Variants in SLC9A7 observed in about 807,000 individuals in gnomAD.
SLC9A7 encodes solute carrier family 9 member A7, also known as sodium/hydrogen exchanger 7.
In SLC9A7, 19 loss-of-function variants were observed where a neutral mutation model predicts 52.6. The ratio of observed to expected loss-of-function variants is 0.36; its 90% CI spans 0.25 to 0.53. The LOEUF (loss-of-function observed/expected upper bound fraction) is 0.53. Ranked by LOEUF, SLC9A7 falls within the 20% of genes least tolerant of loss-of-function variation. The pLI is 0.91. For synonymous variants in SLC9A7, 226 were observed against 252.1 expected (o/e 0.90, Z 0.98); for missense variants, 455 against 597.9 (o/e 0.76, Z 2.49).
chrX:46,693,803 T>C (rs998854932), intron 1 of SLC9A7, among the ~76,000 whole-genome samples: 1 of 110,800 alleles, frequency 9.0e-6, no homozygotes, highest in African/African-American at 3.3e-5. Context: ...TCAAAAGACA[T>C]TATTTGGGAA....
chrX:46,668,272 G>A (rs1182990877), intron 5 of SLC9A7, among the ~76,000 whole-genome samples: 2 of 111,958 alleles, frequency 1.8e-5, no homozygotes, highest in African/African-American at 6.5e-5. Flanking sequence ...CACTTTGGGA[G>A]GCCGAGGTGG....
In SLC9A7 at chrX:46,653,716, T is replaced by C; in HGVS notation, c.1042-2A>G. The C allele has an allele frequency of 2.5e-6, 3 of 1,200,038 alleles. No individual in the cohort carries two copies. Among genetic ancestry groups the C allele is most frequent in the Non-Finnish European group, 3.4e-6 (3 of 885,395 alleles). On this transcript the variant is annotated splice_acceptor_variant, in intron 7 of 16. Coordinates refer to ENST00000616978, the MANE Select transcript of SLC9A7 (RefSeq NM_001257291.2). LOFTEE classifies it high-confidence loss of function. The stretch of plus-strand genomic sequence containing the variant: ...GTGCAGTTTGGTAAACTTAGTCACG[T>C]TGGCATTCTGTCAAGGACCCTGTCT...
At chrX:46,679,853 A>C in intron 2 of SLC9A7, 98 bp from the exon 3 acceptor site, 1 of 543,396 alleles carries the variant, frequency 1.8e-6, no homozygotes, top group East Asian at 3.7e-5. Flanking sequence ...TAAAGTTTGA[A>C]TATTTAGAGC....
At position 46,675,071 on chromosome X, in the gene SLC9A7, GTGTGT is replaced by G. The variant is rs1569515632; in HGVS notation, c.604-2449_604-2445del. Among the ~76,000 whole-genome samples, 11 of 50,504 alleles carry G rather than the reference GTGTGT, an allele frequency of 2.2e-4. No homozygotes were observed. The African/African-American group carries it at 3.1e-3, about 14-fold the overall frequency. 43.9% of individuals were successfully genotyped at this position (50,504 alleles called of 115,157 possible). ...AGAGAGAGAGAGTGAATGTGTGTGT[GTGTGT>G]GTGTGTGTGTGTGTGTGTGTGTGTG... On this transcript the variant is annotated intron_variant, in intron 3 of 16. Coordinates refer to ENST00000616978, the MANE Select transcript of SLC9A7 (RefSeq NM_001257291.2).
chrX:46,625,916 C>T (rs1318378936), intron 14 of SLC9A7, among the ~76,000 whole-genome samples: 2 of 111,546 alleles, frequency 1.8e-5, no homozygotes, highest in Non-Finnish European at 3.8e-5. Context: ...GGCTTCTCCC[C>T]AGAGCTTAGC....
intron 1 of SLC9A7, chrX:46,725,138 A>T (rs1944921779): frequency 1.2e-5 from 8 of 651,500 alleles, no homozygotes; most frequent in African/African-American, 2.2e-5. Flanking sequence ...GTTTTACAAG[A>T]TATACTTGAA....
chrX:46,633,518 G>A (rs894188776), intron 13 of SLC9A7, among the ~76,000 whole-genome samples: 6 of 109,753 alleles, frequency 5.5e-5, no homozygotes, highest in East Asian at 2.8e-4. Flanking sequence ...AGGATGACAC[G>A]GGACCTTGTG....
chrX:46,627,577 T>C (rs957188555), intron 14 of SLC9A7, among the ~76,000 whole-genome samples: 2 of 111,946 alleles, frequency 1.8e-5, no homozygotes, highest in African/African-American at 3.2e-5. Flanking sequence ...CCCTTCAGGA[T>C]GCAGATTCAT....
chrX:46,729,619 C>A (rs772708005), intron 1 of SLC9A7, among the ~76,000 whole-genome samples: 1 of 110,088 alleles, frequency 9.1e-6, no homozygotes, highest in Non-Finnish European at 1.9e-5. Flanking sequence ...ACTAAAAATA[C>A]AAAATTAGCT....
intron 7 of SLC9A7, among the ~76,000 whole-genome samples, chrX:46,654,962 T>TTTC (rs1569510704): frequency 9.9e-6 from 1 of 100,651 alleles, no homozygotes; most frequent in South Asian, 4.5e-4. Context: ...GTATTTCTTT[T>TTTC]TTTCTTTCTT....
intron 10 of SLC9A7, among the ~76,000 whole-genome samples, chrX:46,649,613 G>A (rs969310317): frequency 7.1e-5 from 8 of 112,240 alleles, no homozygotes; most frequent in Non-Finnish European, 1.1e-4. Context: ...GGGAGCCAGA[G>A]GAACAGGGAG....
chrX:46,649,463 G>GA (rs35491768), intron 10 of SLC9A7, among the ~76,000 whole-genome samples: 1 of 112,180 alleles, frequency 8.9e-6, no homozygotes, highest in Non-Finnish European at 1.9e-5. Context: ...GTAAGAAATG[G>GA]AAAAGGAGTA....
rs57157177 is a variant in SLC9A7 at position 46,730,670 on chromosome X, TTATA to T, written c.325+28031_325+28034del. 9.3e-3 allele frequency among the ~76,000 whole-genome samples: 397 copies of T among 42,882 alleles called. 6 individuals are homozygous for T. Among genetic ancestry groups the T allele is most frequent in the South Asian group, 0.02 (15 of 763 alleles). 37.2% of individuals were successfully genotyped at this position (42,882 alleles called of 115,157 possible). ...GCGAGACTGTCTCAAAAAAAAAAAA[TTATA>T]TATATATATATATATATATATATAT... is the stretch of plus-strand genomic sequence containing the variant. On this transcript the variant is annotated intron_variant, in intron 1 of 16. Transcript: ENST00000616978.
At chrX:46,698,160 G>A (rs745628348) in intron 1 of SLC9A7, among the ~76,000 whole-genome samples, 1 of 111,915 alleles carries the variant, frequency 8.9e-6, no homozygotes, top group Admixed American at 9.5e-5. Flanking sequence ...ATCTCGCCCT[G>A]CCTCCACTTG....
rs1331635096 is a variant in SLC9A7, at chrX:46,606,447, C to T, written c.*505G>A. ...GTCAAGCAGACTTCGTTGCCAGAGC[C>T]TCCAAATTGCTTTTTCATGTTTTCT... On this transcript the variant is annotated 3_prime_UTR_variant, in exon 17 of 17. Coordinates refer to ENST00000616978, the MANE Select transcript of SLC9A7 (RefSeq NM_001257291.2). The T allele has an allele frequency of 2.4e-5, 18 of 755,525 alleles. No homozygotes were observed. Among genetic ancestry groups the T allele is most frequent in the Non-Finnish European group, 2.8e-5 (18 of 640,919 alleles). The allele number at this position is 755,525 out of a possible 1,213,427, so 62.3% of individuals were successfully genotyped here. A position where few individuals can be genotyped will look rare whatever the true frequency, so the allele number is the denominator to read the frequency against.
chrX:46,620,480 T>C (rs1401596654), intron 15 of SLC9A7, among the ~76,000 whole-genome samples: 3 of 111,554 alleles, frequency 2.7e-5, no homozygotes, highest in African/African-American at 9.8e-5. Context: ...TTTAACATTT[T>C]GGTTTTTAAT....
At chrX:46,699,395 C>A (rs1034771931) in intron 1 of SLC9A7, among the ~76,000 whole-genome samples, 4 of 111,493 alleles carry the variant, frequency 3.6e-5, no homozygotes, top group African/African-American at 1.3e-4. Context: ...AGAACATGCC[C>A]ATTCTAATGT....
At chrX:46,659,889 GA>G (rs1943781512) in intron 7 of SLC9A7, among the ~76,000 whole-genome samples, 1 of 103,910 alleles carries the variant, frequency 9.6e-6, no homozygotes, top group Non-Finnish European at 1.9e-5. Context: ...AGTTCATACG[GA>G]ACCAAAAAAG....
chrX:46,757,985 G>C (rs1922804355), intron 1 of SLC9A7, among the ~76,000 whole-genome samples: 1 of 111,530 alleles, frequency 9.0e-6, no homozygotes, highest in African/African-American at 3.3e-5. Flanking sequence ...CTCACTCCCT[G>C]TTACCGTCTT....
Sources: allele counts gnomAD v4.1 joint callset (sites outside exome capture counted in the v4.1 genomes callset), GRCh38; gene constraint gnomAD v4.1.1; transcripts MANE v1.5; gene names NCBI Gene and HGNC (gene_info 2026-07-23, HGNC 2026-07-21).